MEGF6: variants seen among roughly 807,000 people sequenced by gnomAD.
MEGF6 encodes multiple EGF like domains 6.
A neutral mutation model predicts 207.1 loss-of-function variants in MEGF6; 184 were observed. The observed-to-expected ratio is 0.89, with a 90% CI of 0.79 to 1.00. The LOEUF is 1.00. Among genes scored for constraint, MEGF6 ranks in the 50% least tolerant of loss-of-function variants. The pLI, the probability that MEGF6 is intolerant of heterozygous loss-of-function variation, is 0.00. For synonymous variants in MEGF6, 1,038 were observed against 910.0 expected (o/e 1.14, Z -2.53); for missense variants, 2,282 against 2,202.9 (o/e 1.04, Z -0.72).
chr1:3,511,205 G>A (rs1018289134), intron 9 of MEGF6, among the ~76,000 whole-genome samples: 17 of 152,258 alleles, frequency 1.1e-4, no homozygotes, highest in African/African-American at 4.1e-4. Flanking sequence ...TGGGGCTAGA[G>A]GGTGGGGACT....
chr1:3,561,821 T>A (rs1198807259), intron 4 of MEGF6, among the ~76,000 whole-genome samples: 2 of 152,264 alleles, frequency 1.3e-5, no homozygotes, highest in Non-Finnish European at 2.9e-5. Context: ...ACTCTGAAGT[T>A]ACCAGGTTTG....
chr1:3,622,146 C>T, the MEGF6 span, among the ~76,000 whole-genome samples: 8 of 152,022 alleles, frequency 5.3e-5, no homozygotes, highest in South Asian at 8.3e-4. Context: ...TAGGAGGGGC[C>T]GGGGTAGAAT....
At chr1:3,531,974 T>C (rs1487961608) in intron 4 of MEGF6, among the ~76,000 whole-genome samples, 10 of 152,208 alleles carry the variant, frequency 6.6e-5, no homozygotes. Flanking sequence ...GTCCAGTGCC[T>C]GCACTGTCCT....
At chr1:3,569,199 T>C (rs944949935) in intron 4 of MEGF6, among the ~76,000 whole-genome samples, 2 of 152,180 alleles carry the variant, frequency 1.3e-5, no homozygotes, top group Non-Finnish European at 2.9e-5. Flanking sequence ...CCTTCAAAGA[T>C]GCAGGACCCA....
chr1:3,499,331 A>C (rs1000508238), intron 23 of MEGF6, 65 bp from the exon 24 acceptor site: 2 of 1,532,992 alleles, frequency 1.3e-6, no homozygotes, highest in Non-Finnish European at 1.8e-6. Context: ...GCAGCAGATC[A>C]CAGCCAGCTG....
chr1:3,575,448 C>T (rs1430337561), intron 4 of MEGF6, among the ~76,000 whole-genome samples: 5 of 152,162 alleles, frequency 3.3e-5, no homozygotes, highest in African/African-American at 1.2e-4. Flanking sequence ...CTCTGGGAGA[C>T]TCCACATGGC....
At chr1:3,574,369 C>T (rs1643585545) in intron 4 of MEGF6, among the ~76,000 whole-genome samples, 1 of 152,160 alleles carries the variant, frequency 6.6e-6, no homozygotes. Flanking sequence ...CTGTCTCTGT[C>T]CTGTCTGGAA....
chr1:3,614,949 C>G (rs1644365761), upstream of MEGF6, among the ~76,000 whole-genome samples: 1 of 152,206 alleles, frequency 6.6e-6, no homozygotes, highest in Non-Finnish European at 1.5e-5. Context: ...ACCGTTTAAC[C>G]TCCTTGCCCT....
chr1:3,522,211 CCT>C (rs1164096832), intron 5 of MEGF6, among the ~76,000 whole-genome samples: 8 of 152,292 alleles, frequency 5.3e-5, no homozygotes, highest in Middle Eastern at 6.8e-3. Flanking sequence ...CCAGCAGACC[CCT>C]GAGTAGGTGA....
chr1:3,540,114 G>A (rs1008987396), intron 4 of MEGF6, among the ~76,000 whole-genome samples: 4 of 152,238 alleles, frequency 2.6e-5, no homozygotes, highest in African/African-American at 9.6e-5. Flanking sequence ...CCTGGTTCTA[G>A]GCAGTCAGAG....
At chr1:3,580,950 G>A (rs113286150) in intron 3 of MEGF6, among the ~76,000 whole-genome samples, 165 of 152,194 alleles carry the variant, frequency 1.1e-3, no homozygotes, top group African/African-American at 3.8e-3. Context: ...GGGCCCTGCC[G>A]GTGGCTGGGC....
chr1:3,517,829 T>G (rs1281444695), intron 5 of MEGF6, among the ~76,000 whole-genome samples: 2 of 152,248 alleles, frequency 1.3e-5, no homozygotes, highest in Admixed American at 1.3e-4. Flanking sequence ...AGCCCTCACC[T>G]GGCTCACCTG....
intron 3 of MEGF6, among the ~76,000 whole-genome samples, chr1:3,587,222 A>T (rs550901422): frequency 3.3e-5 from 5 of 152,200 alleles, no homozygotes; most frequent in Non-Finnish European, 7.3e-5. Flanking sequence ...CTCACCGAGG[A>T]CTCCGCGGTC....
At chr1:3,522,239 AG>A in intron 5 of MEGF6, among the ~76,000 whole-genome samples, 1 of 152,322 alleles carries the variant, frequency 6.6e-6, no homozygotes, top group South Asian at 2.1e-4. Flanking sequence ...CTTAGGTGAC[AG>A]GCTGGCACGC....
intron 5 of MEGF6, among the ~76,000 whole-genome samples, chr1:3,523,771 C>A (rs1035477786): frequency 6.6e-6 from 1 of 152,224 alleles, no homozygotes; most frequent in African/African-American, 2.4e-5. Context: ...CTGATAACCA[C>A]GGCAGCTTCT....
the MEGF6 span, among the ~76,000 whole-genome samples, chr1:3,619,685 G>A: frequency 6.0e-5 from 9 of 150,126 alleles, no homozygotes; most frequent in African/African-American, 2.2e-4. Flanking sequence ...CTCCCCAGCC[G>A]GGTGTAATGG....
chr1:3,531,279 G>A (rs911495964), intron 4 of MEGF6: 16 of 1,319,004 alleles, frequency 1.2e-5, no homozygotes, highest in Non-Finnish European at 1.4e-5. Flanking sequence ...AGGGGGCGAG[G>A]ACCAACCGCG....
At chr1:3,567,418 G>C (rs1643374537) in intron 4 of MEGF6, among the ~76,000 whole-genome samples, 1 of 152,260 alleles carries the variant, frequency 6.6e-6, no homozygotes, top group Non-Finnish European at 1.5e-5. Flanking sequence ...CGGGCTGTCA[G>C]TGGACTGGCA....
intron 4 of MEGF6, among the ~76,000 whole-genome samples, chr1:3,546,806 G>A (rs1316918941): frequency 3.4e-5 from 5 of 148,480 alleles, no homozygotes; most frequent in Non-Finnish European, 7.5e-5. Flanking sequence ...GGCTGCCAGG[G>A]AGGCCGAGGT....
Sources: allele counts gnomAD v4.1 joint callset (sites outside exome capture counted in the v4.1 genomes callset), GRCh38; gene constraint gnomAD v4.1.1; transcripts MANE v1.5; gene names NCBI Gene and HGNC (gene_info 2026-07-23, HGNC 2026-07-21).